The following CACNA2D3 variants were observed in gnomAD, a reference collection of about 807,000 sequenced individuals.
The protein encoded by CACNA2D3 is voltage-dependent calcium channel subunit alpha-2/delta-3.
Under a neutral mutation model 160.6 loss-of-function variants are expected in CACNA2D3, and 60 were observed. That is an observed-to-expected ratio of 0.37 (90% CI 0.30 to 0.46). CACNA2D3 has a LOEUF of 0.46. CACNA2D3 is among the 20% of genes least tolerant of loss of function. CACNA2D3 has a pLI of 1.00. For missense variants in CACNA2D3, 1,205 were observed against 1,365.0 expected, an observed-to-expected ratio of 0.88 and a Z score of 1.85; for synonymous variants, 558 against 492.9, an observed-to-expected ratio of 1.13 and a Z score of -1.75.
intron 3 of CACNA2D3, among the ~76,000 whole-genome samples, chr3:54,386,480 T>TATA (rs1418005247): frequency 3.3e-5 from 5 of 152,204 alleles, no homozygotes; most frequent in African/African-American, 1.2e-4. Context: ...CGTGTGCATT[T>TATA]ATAAATGTGT....
intron 31 of CACNA2D3, among the ~76,000 whole-genome samples, chr3:54,996,386 G>A (rs1359892412): frequency 6.6e-6 from 1 of 152,206 alleles, no homozygotes; most frequent in Non-Finnish European, 1.5e-5. Context: ...ATTTCCATGG[G>A]AGGGGCTGCG....
intron 13 of CACNA2D3, among the ~76,000 whole-genome samples, chr3:54,796,729 C>T (rs959115042): frequency 3.3e-5 from 5 of 152,174 alleles, no homozygotes; most frequent in African/African-American, 1.2e-4. Flanking sequence ...CTGGACTGGC[C>T]ATTTACTGTG....
intron 17 of CACNA2D3, among the ~76,000 whole-genome samples, chr3:54,870,965 G>T (rs1287189081): frequency 6.6e-6 from 1 of 151,916 alleles, no homozygotes; most frequent in Non-Finnish European, 1.5e-5. Context: ...AGTATAGGGG[G>T]ATATGACTAG....
intron 11 of CACNA2D3, among the ~76,000 whole-genome samples, chr3:54,647,055 GA>G (rs1197878525): frequency 2.6e-5 from 4 of 152,162 alleles, no homozygotes; most frequent in African/African-American, 7.2e-5. Context: ...ACAGCAAAAA[GA>G]AATGAATTCT....
At chr3:54,934,984 C>T (rs762795481) in intron 27 of CACNA2D3, among the ~76,000 whole-genome samples, 1 of 152,188 alleles carries the variant, frequency 6.6e-6, no homozygotes, top group Non-Finnish European at 1.5e-5. Context: ...GTGATCCACC[C>T]GCCTTGGCCT....
intron 13 of CACNA2D3, among the ~76,000 whole-genome samples, chr3:54,783,532 G>A (rs1702573584): frequency 6.6e-6 from 1 of 152,116 alleles, no homozygotes; most frequent in South Asian, 2.1e-4. Flanking sequence ...CTTGAACCCG[G>A]GAGGTGGAGG....
chr3:54,819,333 G>A (rs1018985205), intron 14 of CACNA2D3, among the ~76,000 whole-genome samples: 6 of 152,148 alleles, frequency 3.9e-5, no homozygotes, highest in African/African-American at 1.4e-4. Flanking sequence ...TCCTCGCACA[G>A]AGCCTGGCAT....
chr3:54,804,362 T>C (rs1336660280), intron 13 of CACNA2D3, among the ~76,000 whole-genome samples: 2 of 151,838 alleles, frequency 1.3e-5, no homozygotes, highest in African/African-American at 2.4e-5. Flanking sequence ...TGGAGGAAGA[T>C]CTACCAAGCA....
At chr3:54,339,151 C>G (rs553063535) in intron 3 of CACNA2D3, among the ~76,000 whole-genome samples, 2 of 152,318 alleles carry the variant, frequency 1.3e-5, no homozygotes, top group East Asian at 3.9e-4. Context: ...CCTGTCTCTC[C>G]CAGCCCCTCT....
chr3:54,697,913 G>A (rs2106942980), intron 11 of CACNA2D3, among the ~76,000 whole-genome samples: 1 of 152,140 alleles, frequency 6.6e-6, no homozygotes, highest in African/African-American at 2.4e-5. Context: ...TTCACTTGTG[G>A]GCATGGTAAT....
chr3:54,448,500 AG>A (rs1700257179), intron 4 of CACNA2D3, among the ~76,000 whole-genome samples: 1 of 152,204 alleles, frequency 6.6e-6, no homozygotes, highest in South Asian at 2.1e-4. Flanking sequence ...AAACGAAAGT[AG>A]GAGAGACCTG....
intron 13 of CACNA2D3, among the ~76,000 whole-genome samples, chr3:54,779,967 C>T (rs1702501268): frequency 6.6e-6 from 1 of 152,080 alleles, no homozygotes; most frequent in Non-Finnish European, 1.5e-5. Flanking sequence ...GAGTAAGTAC[C>T]CAGGATGAAT....
At chr3:54,635,401 CAG>C (rs1366359395) in intron 10 of CACNA2D3, among the ~76,000 whole-genome samples, 1 of 151,886 alleles carries the variant, frequency 6.6e-6, no homozygotes, top group Admixed American at 6.6e-5. Context: ...CTTGGAGAAA[CAG>C]TGTAAACCGG....
intron 13 of CACNA2D3, among the ~76,000 whole-genome samples, chr3:54,788,050 C>T (rs1285706319): frequency 6.6e-6 from 1 of 152,162 alleles, no homozygotes; most frequent in Non-Finnish European, 1.5e-5. Context: ...TGATGGCCGC[C>T]ATTTTATACT....
intron 11 of CACNA2D3, among the ~76,000 whole-genome samples, chr3:54,719,615 T>C (rs1006627361): frequency 2.6e-5 from 4 of 152,050 alleles, no homozygotes; most frequent in Non-Finnish European, 4.4e-5. Flanking sequence ...ATTTCCTTTT[T>C]GTAATGCTGT....
intron 2 of CACNA2D3, among the ~76,000 whole-genome samples, chr3:54,270,490 A>C (rs1702600803): frequency 6.6e-6 from 1 of 152,204 alleles, no homozygotes; most frequent in African/African-American, 2.4e-5. Context: ...TTTGTCAACC[A>C]TCCGTAGGAG....
chr3:54,505,529 G>A (rs892962146), intron 5 of CACNA2D3, among the ~76,000 whole-genome samples: 1 of 152,170 alleles, frequency 6.6e-6, no homozygotes, highest in Admixed American at 6.5e-5. Flanking sequence ...GCTGAGCTCA[G>A]CTTCATTTAG....
At chr3:54,656,117 C>T (rs541014804) in intron 11 of CACNA2D3, among the ~76,000 whole-genome samples, 1 of 152,302 alleles carries the variant, frequency 6.6e-6, no homozygotes, top group South Asian at 2.1e-4. Context: ...GGACCCTGGA[C>T]CAGGATCAGC....
chr3:54,659,144 A>T (rs1202106280), intron 11 of CACNA2D3, among the ~76,000 whole-genome samples: 1 of 152,154 alleles, frequency 6.6e-6, no homozygotes, highest in Non-Finnish European at 1.5e-5. Context: ...TACTGATAGC[A>T]CCTTTCATCT....
Sources: gnomAD v4.1 joint callset for allele counts (sites outside exome capture counted in the v4.1 genomes callset) on GRCh38, gnomAD v4.1.1 for gene constraint, MANE v1.5 for transcripts, NCBI Gene and HGNC (gene_info 2026-07-23, HGNC 2026-07-21) for gene names.